The following CDC42BPA variants were observed in gnomAD, a reference collection of about 807,000 sequenced individuals.
CDC42BPA encodes the protein CDC42 binding protein kinase alpha, also known as serine/threonine-protein kinase MRCK alpha.
Under a neutral mutation model 223.5 loss-of-function variants are expected in CDC42BPA, and 80 were observed. The observed-to-expected ratio is 0.36, with a 90% CI of 0.30 to 0.43. The LOEUF (loss-of-function observed/expected upper bound fraction) is 0.43, where lower values mean the gene tolerates loss of function less well. Among genes scored for constraint, CDC42BPA ranks in the 20% least tolerant of loss-of-function variants. The pLI, the probability that CDC42BPA is intolerant of heterozygous loss-of-function variation, is 1.00. For missense variants in CDC42BPA, 1,743 were observed against 2,099.9 expected (o/e 0.83, Z 3.32); for synonymous variants, 694 against 718.6 (o/e 0.97, Z 0.55).
intron 1 of CDC42BPA, among the ~76,000 whole-genome samples, chr1:227,307,841 G>A (rs1176267634): frequency 1.3e-5 from 2 of 152,084 alleles, no homozygotes; most frequent in African/African-American, 4.8e-5. Flanking sequence ...AACCCTCTGC[G>A]TTGAGGTCCA....
At chr1:227,036,740 T>A (rs767176706) in intron 24 of CDC42BPA, among the ~76,000 whole-genome samples, 30 of 152,088 alleles carry the variant, frequency 2.0e-4, no homozygotes, top group Non-Finnish European at 3.8e-4. Flanking sequence ...TTCAATTCAG[T>A]TTTAAGTGGA....
chr1:227,237,043 C>CATA (rs1182360327), intron 2 of CDC42BPA, among the ~76,000 whole-genome samples: 1 of 28,700 alleles, frequency 3.5e-5, no homozygotes. Flanking sequence ...ACCCGGTCTC[C>CATA]ACAAAAAAAA....
intron 27 of CDC42BPA, among the ~76,000 whole-genome samples, chr1:227,031,804 A>G (rs1436209518): frequency 6.6e-6 from 1 of 152,098 alleles, no homozygotes; most frequent in Non-Finnish European, 1.5e-5. Flanking sequence ...AACAACAACA[A>G]CAACAACTGA....
At chr1:227,149,616 C>T (rs1271360774) in intron 6 of CDC42BPA, among the ~76,000 whole-genome samples, 1 of 151,922 alleles carries the variant, frequency 6.6e-6, no homozygotes, top group African/African-American at 2.4e-5. Context: ...AAACGGAAGT[C>T]CTAGAAATGA....
intron 1 of CDC42BPA, among the ~76,000 whole-genome samples, chr1:227,268,458 TAAATA>T (rs201472443): frequency 0.011 from 1,641 of 151,852 alleles, 33 homozygotes; most frequent in African/African-American, 0.037. Context: ...AGGGTGTATA[TAAATA>T]AAATAAAATA....
At chr1:227,174,353 G>A (rs983711427) in intron 5 of CDC42BPA, among the ~76,000 whole-genome samples, 1 of 152,102 alleles carries the variant, frequency 6.6e-6, no homozygotes, top group Non-Finnish European at 1.5e-5. Context: ...CTATCTCATT[G>A]TAAAAGTAAT....
intron 3 of CDC42BPA, among the ~76,000 whole-genome samples, chr1:227,208,899 A>G (rs977121017): frequency 3.9e-5 from 6 of 152,170 alleles, no homozygotes; most frequent in African/African-American, 1.4e-4. Flanking sequence ...GAAGAAAGTC[A>G]TTGGTAGCTT....
At chr1:227,313,051 A>T (rs933840751) in intron 1 of CDC42BPA, among the ~76,000 whole-genome samples, 2 of 152,196 alleles carry the variant, frequency 1.3e-5, no homozygotes. Context: ...GCGAGAACAG[A>T]CTAACAAAAC....
intron 4 of CDC42BPA, among the ~76,000 whole-genome samples, chr1:227,198,846 C>T (rs1572299500): frequency 6.6e-6 from 1 of 151,884 alleles, no homozygotes; most frequent in African/African-American, 2.4e-5. Context: ...CTCCCAGGTT[C>T]AGGCTATTCT....
intron 29 of CDC42BPA, among the ~76,000 whole-genome samples, chr1:227,029,465 A>C (rs527438737): frequency 6.6e-6 from 1 of 152,312 alleles, no homozygotes; most frequent in East Asian, 1.9e-4. Context: ...CTGGCAGCCA[A>C]GGCAAACCCC....
intron 3 of CDC42BPA, among the ~76,000 whole-genome samples, chr1:227,205,163 G>A (rs1672438173): frequency 6.6e-6 from 1 of 151,392 alleles, no homozygotes; most frequent in South Asian, 2.1e-4. Flanking sequence ...CAGCTACTTG[G>A]GAGGGTGAGG....
chr1:227,117,329 C>T (rs931902373), intron 12 of CDC42BPA, among the ~76,000 whole-genome samples: 7 of 151,956 alleles, frequency 4.6e-5, no homozygotes, highest in African/African-American at 1.7e-4. Context: ...GCATTTTTTT[C>T]CCCCTGAGAT....
chr1:227,176,472 AAC>A (rs1473397389), intron 5 of CDC42BPA, among the ~76,000 whole-genome samples: 15 of 152,258 alleles, frequency 9.9e-5, no homozygotes, highest in Non-Finnish European at 1.5e-4. Flanking sequence ...GATTACTGCA[AAC>A]AGTTTGAAAA....
chr1:227,290,167 A>C (rs1397406979), intron 1 of CDC42BPA, among the ~76,000 whole-genome samples: 3 of 152,192 alleles, frequency 2.0e-5, no homozygotes, highest in African/African-American at 7.2e-5. Context: ...CTATGCCTCA[A>C]CTGCACCCAA....
At chr1:227,077,216 A>G (rs1038499445) in intron 17 of CDC42BPA, among the ~76,000 whole-genome samples, 2 of 152,176 alleles carry the variant, frequency 1.3e-5, no homozygotes, top group Non-Finnish European at 2.9e-5. Context: ...CAGCTGTGTA[A>G]CTTTGGGCAA....
intron 1 of CDC42BPA, among the ~76,000 whole-genome samples, chr1:227,285,296 T>C (rs1051432891): frequency 1.3e-5 from 2 of 152,190 alleles, no homozygotes; most frequent in African/African-American, 4.8e-5. Flanking sequence ...TGAGTCATAA[T>C]CTCTAGAAGT....
intron 8 of CDC42BPA, 77 bp from the exon 9 acceptor site, chr1:227,143,101 A>G: frequency 1.1e-6 from 1 of 874,470 alleles, no homozygotes; most frequent in Admixed American, 4.0e-5. Flanking sequence ...ATAAAATGCC[A>G]AAAAGAAATA....
At chr1:227,060,118 A>G (rs975011154) in intron 21 of CDC42BPA, among the ~76,000 whole-genome samples, 10 of 134,158 alleles carry the variant, frequency 7.5e-5, no homozygotes, top group Admixed American at 2.7e-4. Context: ...TGCAAGCTCC[A>G]CCTCCTGGGT....
At chr1:227,297,967 T>TATATATATATATATATATACACACACAC (rs369403944) in intron 1 of CDC42BPA, among the ~76,000 whole-genome samples, 1 of 132,080 alleles carries the variant, frequency 7.6e-6, no homozygotes, top group African/African-American at 2.9e-5. Context: ...TATATACATA[T>TATATATATATATATATATACACACACAC]ACACACACAC....
Sources: allele counts gnomAD v4.1 joint callset (sites outside exome capture counted in the v4.1 genomes callset), GRCh38; gene constraint gnomAD v4.1.1; transcripts MANE v1.5; gene names NCBI Gene and HGNC (gene_info 2026-07-23, HGNC 2026-07-21).